Variants in ADAM2 observed in about 807,000 individuals in gnomAD.
ADAM2 encodes ADAM metallopeptidase domain 2.
In ADAM2, 101 loss-of-function variants were observed where a neutral mutation model predicts 99.3. The observed-to-expected ratio is 1.02, with a 90% CI of 0.87 to 1.20. ADAM2 has a LOEUF of 1.20. Ranked by LOEUF, ADAM2 falls within the 50% of genes most tolerant of loss-of-function variation. The pLI is 0.00. For synonymous variants in ADAM2, 323 were observed against 287.6 expected (o/e 1.12, Z -1.25); for missense variants, 948 against 878.7 (o/e 1.08, Z -1.00).
chr8:39,746,405 C>A (rs915253745), intron 19 of ADAM2, 67 bp downstream of exon 19: 3 of 1,045,310 alleles, frequency 2.9e-6, no homozygotes, highest in African/African-American at 3.3e-5. Context: ...ATTACATCGA[C>A]CACATTGCTA....
intron 6 of ADAM2, among the ~76,000 whole-genome samples, chr8:39,815,066 C>G (rs983234819): frequency 6.6e-6 from 1 of 151,808 alleles, no homozygotes; most frequent in Non-Finnish European, 1.5e-5. Context: ...TTCAAAAAGC[C>G]AATTTAACAA....
intron 3 of ADAM2, among the ~76,000 whole-genome samples, chr8:39,826,298 C>A (rs925183348): frequency 3.3e-5 from 5 of 152,124 alleles, no homozygotes; most frequent in Non-Finnish European, 1.5e-5. Context: ...CATTTACAGT[C>A]AGTTGGTGTT....
intron 9 of ADAM2, 151 bp downstream of exon 9, chr8:39,787,934 A>G: frequency 2.0e-6 from 1 of 488,978 alleles, no homozygotes; most frequent in Non-Finnish European, 3.4e-6. Context: ...CAGTAATTCC[A>G]ATATAAATAC....
intron 3 of ADAM2, among the ~76,000 whole-genome samples, chr8:39,826,344 A>G (rs1426467685): frequency 6.6e-6 from 1 of 152,222 alleles, no homozygotes; most frequent in African/African-American, 2.4e-5. Flanking sequence ...TGGGGAAAGG[A>G]CAGTCCCTTC....
chr8:39,774,166 T>G (rs1024261180), intron 11 of ADAM2, among the ~76,000 whole-genome samples: 2 of 151,960 alleles, frequency 1.3e-5, no homozygotes, highest in Admixed American at 1.3e-4. Context: ...TTACAAAGCT[T>G]TCTCAATCTG....
At chr8:39,745,957 C>T (rs1420892563) in intron 19 of ADAM2, among the ~76,000 whole-genome samples, 1 of 151,622 alleles carries the variant, frequency 6.6e-6, no homozygotes, top group Non-Finnish European at 1.5e-5. Context: ...ATTAAAATTG[C>T]AATTATTATA....
chr8:39,755,042 T>C (rs1337645070), intron 16 of ADAM2, among the ~76,000 whole-genome samples: 3 of 152,160 alleles, frequency 2.0e-5, no homozygotes, highest in African/African-American at 7.2e-5. Flanking sequence ...CTTTATTCTG[T>C]GAGTTTGTTT....
At chr8:39,769,258 ATACC>A in intron 12 of ADAM2, 130 bp downstream of exon 12, 2 of 638,148 alleles carry the variant, frequency 3.1e-6, no homozygotes, top group Middle Eastern at 2.5e-4. Flanking sequence ...AGTTGTTATA[ATACC>A]TACATGCCCT....
chr8:39,788,908 G>A (rs1048807066), intron 7 of ADAM2, among the ~76,000 whole-genome samples, 168 bp from the exon 8 acceptor site: 1 of 151,076 alleles, frequency 6.6e-6, no homozygotes, highest in African/African-American at 2.4e-5. Flanking sequence ...TATATGTTCA[G>A]TATAAAAACT....
chr8:39,783,384 C>G (rs1332929339), intron 10 of ADAM2, among the ~76,000 whole-genome samples: 1 of 152,066 alleles, frequency 6.6e-6, no homozygotes, highest in African/African-American at 2.4e-5. Context: ...TTATGGACCT[C>G]TTTTTCCTTT....
chr8:39,825,764 G>GA (rs888251863), intron 3 of ADAM2, among the ~76,000 whole-genome samples: 7 of 151,462 alleles, frequency 4.6e-5, no homozygotes, highest in Admixed American at 1.3e-4. Context: ...AATAGAAAAG[G>GA]AAAAAAAAGT....
At chr8:39,750,577 C>T (rs201968) in intron 16 of ADAM2, among the ~76,000 whole-genome samples, 88,288 of 151,924 alleles carry the variant, frequency 0.58, 25,855 homozygotes, top group East Asian at 0.86. Context: ...AATGTCATTG[C>T]TGTGGTCCAC....
intron 7 of ADAM2, among the ~76,000 whole-genome samples, chr8:39,805,314 C>G (rs1004534104): frequency 6.6e-6 from 1 of 152,090 alleles, no homozygotes. Context: ...ACTAGGGGAT[C>G]TAAAGGTGAC....
At chr8:39,781,278 T>C (rs892967571) in intron 10 of ADAM2, among the ~76,000 whole-genome samples, 8 of 152,032 alleles carry the variant, frequency 5.3e-5, no homozygotes, top group African/African-American at 1.9e-4. Flanking sequence ...CGTGTGTACT[T>C]GTGTGTGTGT....
rs1258443101 is a variant in ADAM2 at position 39,824,804 on chromosome 8, T to A, written c.267+15A>T. On this transcript the variant is annotated intron_variant, in intron 4 of 20. Transcript: ENST00000265708. The stretch of plus-strand genomic sequence containing the variant: ...ACTCACATGACAAAAATAAAAGAGA[T>A]CATAAAAAACATACCTGAAAATCTT... 3 of 1,403,066 alleles carry A rather than the reference T, an allele frequency of 2.1e-6. No individual in the cohort carries two copies. The highest frequency in any genetic ancestry group is 3.6e-5 in the Admixed American group (2 of 55,406). The allele number at this position is 1,403,066 out of a possible 1,614,324, so 86.9% of individuals were successfully genotyped here.
chr8:39,749,248 G>A, intron 18 of ADAM2, 64 bp downstream of exon 18: 1 of 1,403,086 alleles, frequency 7.1e-7, no homozygotes, highest in South Asian at 1.3e-5. Context: ...AATATTATTT[G>A]TTATCCAATT....
At chr8:39,769,950 CTT>C (rs60250805) in intron 11 of ADAM2, among the ~76,000 whole-genome samples, 2 of 134,832 alleles carry the variant, frequency 1.5e-5, no homozygotes, top group Non-Finnish European at 1.6e-5. Flanking sequence ...TTTCTTTTTT[CTT>C]TTTTTTTTTT....
intron 14 of ADAM2, among the ~76,000 whole-genome samples, chr8:39,763,365 G>A (rs1474047932): frequency 2.6e-5 from 4 of 152,192 alleles, no homozygotes; most frequent in Non-Finnish European, 5.9e-5. Context: ...ATACTGGTTA[G>A]AACATCCTGC....
chr8:39,777,389 GA>G (rs1474880921), intron 10 of ADAM2, among the ~76,000 whole-genome samples: 2 of 151,408 alleles, frequency 1.3e-5, no homozygotes, highest in African/African-American at 4.9e-5. Flanking sequence ...CTCAGACAAA[GA>G]AAAAAAATTG....
Sources: allele counts gnomAD v4.1 joint callset (sites outside exome capture counted in the v4.1 genomes callset), GRCh38; gene constraint gnomAD v4.1.1; transcripts MANE v1.5; gene names NCBI Gene and HGNC (gene_info 2026-07-23, HGNC 2026-07-21).